Variants in ZNF469 observed in about 807,000 individuals in gnomAD.
ZNF469 encodes zinc finger protein 469.
In ZNF469, 1 loss-of-function variant was observed where a neutral mutation model predicts 1.0. That is an observed-to-expected ratio of 1.00 (90% CI 0.35 to 4.73). The LOEUF is 4.73. ZNF469 is among the 30% of genes most tolerant of loss of function. The pLI, the probability that ZNF469 is intolerant of heterozygous loss-of-function variation, is 0.16. For missense variants in ZNF469, 6,100 were observed against 5,356.3 expected, an observed-to-expected ratio of 1.14 and a Z score of -4.33; for synonymous variants, 2,703 against 2,363.4, an observed-to-expected ratio of 1.14 and a Z score of -4.17.
chr16:88,414,347 C>T (rs961987564), intron 1 of ZNF469, among the ~76,000 whole-genome samples: 1 of 152,232 alleles, frequency 6.6e-6, no homozygotes, highest in African/African-American at 2.4e-5. Context: ...CGGGAACAAA[C>T]TTTGGTGTGG....
chr16:88,253,167 C>T, the ZNF469 span, among the ~76,000 whole-genome samples: 4 of 152,196 alleles, frequency 2.6e-5, no homozygotes, highest in African/African-American at 9.7e-5. Context: ...AATAAAGTTG[C>T]TGTCAGCATT....
chr16:88,224,849 C>G, the ZNF469 span, among the ~76,000 whole-genome samples: 1 of 152,202 alleles, frequency 6.6e-6, no homozygotes, highest in African/African-American at 2.4e-5. Context: ...TGTGAAGCGC[C>G]CAGTGGGTCC....
At chr16:88,351,722 G>A in the ZNF469 span, among the ~76,000 whole-genome samples, 6 of 145,092 alleles carry the variant, frequency 4.1e-5, no homozygotes, top group Non-Finnish European at 3.0e-5. Context: ...GGCCCCAGCC[G>A]GAGCTCCTCC....
At chr16:88,307,188 T>G in the ZNF469 span, among the ~76,000 whole-genome samples, 1 of 152,392 alleles carries the variant, frequency 6.6e-6, no homozygotes, top group African/African-American at 2.4e-5. Flanking sequence ...ACTTCATTCC[T>G]TCTGTGGCTA....
At chr16:88,155,094 G>C in the ZNF469 span, among the ~76,000 whole-genome samples, 1 of 152,284 alleles carries the variant, frequency 6.6e-6, no homozygotes, top group South Asian at 2.1e-4. Context: ...CTGGTTCACA[G>C]ACCGCATTCC....
the ZNF469 span, among the ~76,000 whole-genome samples, chr16:88,185,072 C>A: frequency 6.9e-6 from 1 of 145,468 alleles, no homozygotes; most frequent in Non-Finnish European, 1.5e-5. Flanking sequence ...GACACTCACA[C>A]CCACGGGCAC....
rs192272765 is a variant in ZNF469 at position 88,437,602 on chromosome 16, G to C, written c.10132G>C (p.Gly3378Arg). Reference protein sequence around the residue: ...PRCPRVYPEHGELLAHLGGAH... With the variant: ...PRCPRVYPEHRELLAHLGGAH... Reference sequence around the variant, plus strand: ...GTGCCCCCGGGTCTACCCCGAGCACGGGGAGCTGCTGGCACACCTGGGCGG... The same window carrying C: ...GTGCCCCCGGGTCTACCCCGAGCACCGGGAGCTGCTGGCACACCTGGGCGG... Residue 3378 changes from glycine (G) to arginine (R), a missense_variant, in exon 3 of 3, where the codon GGG becomes CGG. Transcript: ENST00000565624. The C allele has an allele frequency of 4.6e-5, 70 of 1,537,322 alleles. No homozygotes were observed. In the East Asian group the frequency reaches 8.2e-4, roughly 18 times the overall value.
At chr16:88,326,457 G>C in the ZNF469 span, among the ~76,000 whole-genome samples, 1 of 152,186 alleles carries the variant, frequency 6.6e-6, no homozygotes, top group South Asian at 2.1e-4. Context: ...CATGAAAATG[G>C]TCTAATACAC....
the ZNF469 span, among the ~76,000 whole-genome samples, chr16:88,227,572 T>A: frequency 1.1e-5 from 1 of 89,214 alleles, no homozygotes; most frequent in Non-Finnish European, 2.2e-5. Flanking sequence ...GCCCCCGGCC[T>A]GGCCCCCCCC....
At chr16:88,161,382 T>C in the ZNF469 span, among the ~76,000 whole-genome samples, 4,723 of 152,276 alleles carry the variant, frequency 0.031, 95 homozygotes, top group Non-Finnish European at 0.046. Context: ...CCTGCAGGTG[T>C]GTGCTCATCA....
At chr16:88,152,260 T>C in the ZNF469 span, among the ~76,000 whole-genome samples, 8 of 152,374 alleles carry the variant, frequency 5.3e-5, no homozygotes, top group African/African-American at 1.7e-4. This position sits in a 1 kb window ranked among gnomAD's most constrained non-coding sequence, Gnocchi z 4.2. Context: ...GCTCTGGCCC[T>C]AACGCGTAAC....
intron 1 of ZNF469, among the ~76,000 whole-genome samples, chr16:88,407,560 C>T (rs991786022): frequency 6.6e-6 from 1 of 152,266 alleles, no homozygotes; most frequent in African/African-American, 2.4e-5. Context: ...CATTTCAACC[C>T]TGTGTGGCTG....
the ZNF469 span, among the ~76,000 whole-genome samples, chr16:88,112,219 C>G: frequency 3.3e-5 from 5 of 152,158 alleles, no homozygotes; most frequent in Admixed American, 3.3e-4. Context: ...GGGTGGATCC[C>G]TTGAGGTCAG....
intron 1 of ZNF469, among the ~76,000 whole-genome samples, chr16:88,400,139 C>A (rs868187402): frequency 6.6e-6 from 1 of 152,330 alleles, no homozygotes; most frequent in East Asian, 1.9e-4. Context: ...ACTGGGGAGG[C>A]GCAGAGCCAA....
At chr16:88,167,415 G>A in the ZNF469 span, among the ~76,000 whole-genome samples, 1 of 152,176 alleles carries the variant, frequency 6.6e-6, no homozygotes, top group Non-Finnish European at 1.5e-5. Flanking sequence ...TGCATTGCAA[G>A]AAGAATCTCC....
the ZNF469 span, among the ~76,000 whole-genome samples, chr16:88,176,846 C>T: frequency 6.6e-6 from 1 of 152,316 alleles, no homozygotes. Context: ...GAGAGACAAC[C>T]CAACCAGAAC....
At chr16:88,371,282 G>C in the ZNF469 span, among the ~76,000 whole-genome samples, 1 of 152,218 alleles carries the variant, frequency 6.6e-6, no homozygotes, top group Non-Finnish European at 1.5e-5. Context: ...ACAATGCTCC[G>C]ATAGATAAAC....
At chr16:88,418,617 C>T (rs1285902784) in intron 1 of ZNF469, among the ~76,000 whole-genome samples, 1 of 151,710 alleles carries the variant, frequency 6.6e-6, no homozygotes, top group African/African-American at 2.4e-5. Flanking sequence ...TTATCTCCCT[C>T]CTGTTAAAGG....
At chr16:88,173,265 C>T in the ZNF469 span, among the ~76,000 whole-genome samples, 1 of 152,156 alleles carries the variant, frequency 6.6e-6, no homozygotes, top group Non-Finnish European at 1.5e-5. Flanking sequence ...ATATGAGAGA[C>T]AGCAGATCTC....
Sources: gnomAD v4.1 joint callset for allele counts (sites outside exome capture counted in the v4.1 genomes callset) on GRCh38, gnomAD v4.1.1 for gene constraint, Gnocchi (gnomAD v3.1) non-coding constraint, MANE v1.5 for transcripts, NCBI Gene and HGNC (gene_info 2026-07-23, HGNC 2026-07-21) for gene names.